Variants in TAFA5 observed in about 807,000 individuals in gnomAD.
TAFA5 encodes chemokine-like protein TAFA-5.
A neutral mutation model predicts 15.3 loss-of-function variants in TAFA5; 6 were observed. The ratio of observed to expected loss-of-function variants is 0.39; its 90% CI spans 0.21 to 0.77. TAFA5 has a LOEUF of 0.77. Among genes scored for constraint, TAFA5 ranks in the 30% least tolerant of loss-of-function variants. The pLI is 0.41. For synonymous variants in TAFA5, 103 were observed against 80.7 expected (o/e 1.28, Z -1.48); for missense variants, 161 against 193.1 (o/e 0.83, Z 0.98).
rs780953222 is a variant in TAFA5, at chr22:48,707,807, C to T, written c.353C>T (p.Thr118Met). ...CDLLINRSGW[T>M]CTQPGGRIKT... ...TTGTTAATCAACCGGTCAGGCTGGA[C>T]GTGCACGCAGCCCGGCGGGAGGATA... Residue 118 changes from threonine to methionine, a missense_variant, in exon 3 of 4, where the codon ACG becomes ATG. Transcript: ENST00000402357. 83 of 1,613,684 alleles carry T rather than the reference C, an allele frequency of 5.1e-5. No individual in the cohort carries two copies. The highest frequency in any genetic ancestry group is 6.6e-5 in the South Asian group (6 of 91,082).
intron 3 of TAFA5, among the ~76,000 whole-genome samples, chr22:48,729,662 T>A (rs982054749): frequency 7.0e-6 from 1 of 143,606 alleles, no homozygotes; most frequent in Non-Finnish European, 1.5e-5. Flanking sequence ...ATATAAAATA[T>A]AAATAAATAT....
chr22:48,505,382 A>G (rs1328958759), intron 1 of TAFA5, among the ~76,000 whole-genome samples: 1 of 152,186 alleles, frequency 6.6e-6, no homozygotes, highest in Non-Finnish European at 1.5e-5. Context: ...GCAGGTAGGT[A>G]TCTGCACCCC....
chr22:48,747,381 A>G (rs1427848421), intron 3 of TAFA5, among the ~76,000 whole-genome samples: 4 of 152,124 alleles, frequency 2.6e-5, no homozygotes, highest in Admixed American at 2.6e-4. Context: ...CTGGCTCTGC[A>G]CCTTCAGGGA....
intron 1 of TAFA5, among the ~76,000 whole-genome samples, chr22:48,517,579 G>A (rs904919354): frequency 6.6e-6 from 1 of 152,190 alleles, no homozygotes; most frequent in Non-Finnish European, 1.5e-5. Flanking sequence ...GAGGATCCTG[G>A]GCTGCTCTGT....
chr22:48,620,997 C>T, intron 1 of TAFA5, among the ~76,000 whole-genome samples: 1 of 32,082 alleles, frequency 3.1e-5, no homozygotes, highest in East Asian at 1.4e-3. Context: ...CACCCACCCA[C>T]ACTATCTATC....
chr22:48,712,898 A>G (rs1262327331), intron 3 of TAFA5, among the ~76,000 whole-genome samples: 1 of 152,256 alleles, frequency 6.6e-6, no homozygotes, highest in Non-Finnish European at 1.5e-5. Context: ...CGAGGGGAGC[A>G]GGCCAGGCCC....
intron 1 of TAFA5, among the ~76,000 whole-genome samples, chr22:48,583,928 C>G (rs1359496213): frequency 6.8e-6 from 1 of 146,562 alleles, no homozygotes; most frequent in African/African-American, 2.5e-5. Flanking sequence ...ACCACACACA[C>G]ACCACACACC....
chr22:48,490,076 GGC>G lies in TAFA5; in HGVS notation c.112+375_112+376del, dbSNP rs922242620. Among the ~76,000 whole-genome samples, 3 of 152,034 alleles carry G rather than the reference GGC, an allele frequency of 2.0e-5. No individual in the cohort carries two copies. Among genetic ancestry groups the G allele is most frequent in the Non-Finnish European group, 2.9e-5 (2 of 67,978 alleles). ...CAGCCGCAGGTCGCGGAGGGCGGGC[GGC>G]GCTGCCGGGGTGTCTGCGGAGCGCC... On this transcript the variant is annotated intron_variant, in intron 1 of 3. Transcript: ENST00000402357. This position sits in a 1 kb window ranked among gnomAD's most constrained non-coding sequence, Gnocchi z 5.8.
chr22:48,703,195 G>A (rs1269378038), intron 2 of TAFA5, among the ~76,000 whole-genome samples: 1 of 152,058 alleles, frequency 6.6e-6, no homozygotes, highest in East Asian at 1.9e-4. Flanking sequence ...TGTGGTGTGT[G>A]GTGTATACAT....
intron 1 of TAFA5, among the ~76,000 whole-genome samples, chr22:48,606,026 A>T (rs1404776574): frequency 6.6e-6 from 1 of 152,162 alleles, no homozygotes; most frequent in Non-Finnish European, 1.5e-5. Context: ...CAGCCTGGTG[A>T]GCCTGATGAG....
intron 1 of TAFA5, among the ~76,000 whole-genome samples, chr22:48,572,361 G>A (rs974257320): frequency 6.6e-6 from 1 of 152,248 alleles, no homozygotes; most frequent in Non-Finnish European, 1.5e-5. Flanking sequence ...AGCAAGGTGT[G>A]TAGACAGATG....
intron 1 of TAFA5, among the ~76,000 whole-genome samples, chr22:48,577,905 G>T (rs1923877436): frequency 6.6e-6 from 1 of 152,222 alleles, no homozygotes; most frequent in Admixed American, 6.5e-5. Flanking sequence ...TTCAGGAGTG[G>T]GTGGTTCTGC....
chr22:48,576,699 TG>T, intron 1 of TAFA5: 1 of 1,126,492 alleles, frequency 8.9e-7, no homozygotes, highest in African/African-American at 1.6e-5. Context: ...GGAGCGCCAC[TG>T]CGGGCCCGGA....
chr22:48,536,207 C>T (rs1450841507), intron 1 of TAFA5, among the ~76,000 whole-genome samples: 1 of 152,252 alleles, frequency 6.6e-6, no homozygotes, highest in Non-Finnish European at 1.5e-5. Flanking sequence ...CACACGTTTC[C>T]ATTAATTAGC....
intron 1 of TAFA5, among the ~76,000 whole-genome samples, chr22:48,637,561 TACC>T (rs1926495122): frequency 6.6e-6 from 1 of 152,204 alleles, no homozygotes; most frequent in African/African-American, 2.4e-5. Context: ...AAAGTGCCTT[TACC>T]CCTGTGGTCA....
intron 3 of TAFA5, among the ~76,000 whole-genome samples, chr22:48,724,730 C>T (rs1929667072): frequency 6.6e-6 from 1 of 152,196 alleles, no homozygotes; most frequent in African/African-American, 2.4e-5. Context: ...CACAAAAAGC[C>T]CTGGACTTCC....
chr22:48,664,866 AT>A (rs1283480056), intron 2 of TAFA5, among the ~76,000 whole-genome samples: 1 of 152,120 alleles, frequency 6.6e-6, no homozygotes, highest in African/African-American at 2.4e-5. Context: ...GCTCTTTTGA[AT>A]TTTTAGTCAT....
At chr22:48,667,246 A>G (rs1927648531) in intron 2 of TAFA5, among the ~76,000 whole-genome samples, 1 of 137,942 alleles carries the variant, frequency 7.2e-6, no homozygotes, top group African/African-American at 2.6e-5. Context: ...CCAGCCCCGC[A>G]CTGCATCTAA....
At chr22:48,646,237 A>G (rs1170879046) in intron 1 of TAFA5, among the ~76,000 whole-genome samples, 3 of 152,166 alleles carry the variant, frequency 2.0e-5, no homozygotes, top group Non-Finnish European at 2.9e-5. Context: ...GCTTCTCTCC[A>G]GCAGGTGCCT....
Sources: allele counts gnomAD v4.1 joint callset (sites outside exome capture counted in the v4.1 genomes callset), GRCh38; gene constraint gnomAD v4.1.1; non-coding constraint Gnocchi (gnomAD v3.1); transcripts MANE v1.5; gene names NCBI Gene and HGNC (gene_info 2026-07-23, HGNC 2026-07-21).